The following DOT1L variants were observed in gnomAD, a reference collection of about 807,000 sequenced individuals.
DOT1L encodes histone-lysine N-methyltransferase, H3 lysine-79 specific.
A neutral mutation model predicts 153.3 loss-of-function variants in DOT1L; 33 were observed. That is an observed-to-expected ratio of 0.22 (90% confidence interval 0.16 to 0.29). The LOEUF (loss-of-function observed/expected upper bound fraction) is 0.29, where lower values mean the gene tolerates loss of function less well. Ranked by LOEUF, DOT1L falls within the 10% of genes least tolerant of loss-of-function variation. The pLI is 1.00. For synonymous variants in DOT1L, 1,135 were observed against 965.1 expected, an observed-to-expected ratio of 1.18 and a Z score of -3.26; for missense variants, 1,847 against 2,119.9, an observed-to-expected ratio of 0.87 and a Z score of 2.53.
chr19:2,202,584 G>A (rs2023336101), intron 8 of DOT1L, 116 bp from the exon 9 acceptor site: 4 of 1,005,784 alleles, frequency 4.0e-6, no homozygotes, highest in Non-Finnish European at 6.1e-6. Flanking sequence ...GGCCCTGGAG[G>A]TGGCGGGCGG....
At chr19:2,213,358 G>T in intron 16 of DOT1L, 181 bp from the exon 17 acceptor site, 1 of 580,720 alleles carries the variant, frequency 1.7e-6, no homozygotes, top group Middle Eastern at 4.7e-4. Context: ...CTGATGCAGA[G>T]CTGGTCCCCT....
chr19:2,167,469 G>A (rs979810295), intron 1 of DOT1L, among the ~76,000 whole-genome samples: 2 of 152,222 alleles, frequency 1.3e-5, no homozygotes, highest in Admixed American at 6.5e-5. Flanking sequence ...GGCGGGAGCG[G>A]GCTTTCTAGT....
At chr19:2,214,121 C>A in intron 18 of DOT1L, 135 bp downstream of exon 18, 1 of 1,379,850 alleles carries the variant, frequency 7.2e-7, no homozygotes, top group Non-Finnish European at 9.7e-7. Flanking sequence ...AATTGCGCCA[C>A]CTGTGAAAGC....
chr19:2,175,778 C>T lies in DOT1L; in HGVS notation c.82-4935C>T, dbSNP rs562019477. On this transcript the variant is annotated intron_variant, in intron 1 of 27. Coordinates refer to ENST00000398665, the MANE Select transcript of DOT1L (RefSeq NM_032482.3). ...CCAGGAAGTGGAGGTTGCAGTGAGC[C>T]GAGACTGCGCCATTGAACCTGGGAG... Among the ~76,000 whole-genome samples the T allele has an allele frequency of 8.1e-4, 123 of 152,166 alleles. 1 individual carries two copies. Among genetic ancestry groups the T allele is most frequent in the African/African-American group, 2.8e-3 (115 of 41,516 alleles).
At position 2,193,427 on chromosome 19, in the gene DOT1L, T is replaced by C. The variant is rs891945469; in HGVS notation, c.494-262T>C. Among the ~76,000 whole-genome samples, 3 of 152,286 alleles carry C rather than the reference T, an allele frequency of 2.0e-5. No individual in the cohort carries two copies. Among genetic ancestry groups the C allele is most frequent in the African/African-American group, 7.2e-5 (3 of 41,546 alleles). ...TCACATAGGGCCCTGAGACTCAAAA[T>C]GGATTCTGGTTTCGGGGGCCACCAA... On this transcript the variant is annotated intron_variant, in intron 5 of 27. Coordinates refer to ENST00000398665, the MANE Select transcript of DOT1L (RefSeq NM_032482.3). This position sits in a 1 kb window ranked among gnomAD's most constrained non-coding sequence, Gnocchi z 5.9.
chr19:2,206,594 T>G, intron 9 of DOT1L, 135 bp from the exon 10 acceptor site: 1 of 760,936 alleles, frequency 1.3e-6, no homozygotes. Flanking sequence ...TAGTGTTGCT[T>G]GTAGGCAGGT....
At position 2,229,973 on chromosome 19, in the gene DOT1L, T is replaced by C. The variant is rs924947785; in HGVS notation, c.*181T>C. The C allele has an allele frequency of 5.7e-6, 5 of 880,936 alleles. No homozygotes were observed. The highest frequency in any genetic ancestry group is 8.7e-6 in the Non-Finnish European group (5 of 575,120). 54.6% of individuals were successfully genotyped at this position (880,936 alleles called of 1,614,324 possible). On this transcript the variant is annotated 3_prime_UTR_variant, in exon 28 of 28. Coordinates refer to ENST00000398665, the MANE Select transcript of DOT1L (RefSeq NM_032482.3). ...AGGCTGGGACTGGTCCAGTTTGTACTGTCGATAGTTTTAGATAAAGTATTT... is the reference window on the plus strand; with the variant it reads ...AGGCTGGGACTGGTCCAGTTTGTACCGTCGATAGTTTTAGATAAAGTATTT...
rs370778344 is a variant in DOT1L, at chr19:2,185,903, C to T, written c.174C>T (p.Tyr58=). The part of the protein sequence containing the change: ...IPDLKLAMEN[Y]VLIDYDTKSF... ...ATCTCAAGCTCGCTATGGAGAATTA[C>T]GTTTTAATTGACTATGACACCAAAA... Residue 58 remains tyrosine (Y), a synonymous_variant, in exon 3 of 28, where the codon TAC becomes TAT. Coordinates refer to ENST00000398665, the MANE Select transcript of DOT1L (RefSeq NM_032482.3). 169 of 1,614,016 alleles carry T rather than the reference C, an allele frequency of 1.0e-4. No individual in the cohort carries two copies. The highest frequency in any genetic ancestry group is 1.4e-4 in the Non-Finnish European group (160 of 1,180,024).
At position 2,213,833 on chromosome 19, in the gene DOT1L, C is replaced by T. The variant is rs532348213; in HGVS notation, c.1660-16C>T. On this transcript the variant is annotated splice_polypyrimidine_tract_variant and intron_variant, in intron 17 of 27. Coordinates refer to ENST00000398665, the MANE Select transcript of DOT1L (RefSeq NM_032482.3). Reference sequence around the variant, plus strand: ...GAGGCCACCAGCATGACCTCTCCCCCGCCCCATGTCCCCAGCTGGGTGTGA... The same window carrying T: ...GAGGCCACCAGCATGACCTCTCCCCTGCCCCATGTCCCCAGCTGGGTGTGA... 26 of 1,612,936 alleles carry T rather than the reference C, an allele frequency of 1.6e-5. No homozygotes were observed. The highest frequency in any genetic ancestry group is 1.1e-4 in the African/African-American group (8 of 75,064).
At position 2,180,762 on chromosome 19, in the gene DOT1L, T is replaced by C. The variant is rs1254440352; in HGVS notation, c.125+6T>C. On this transcript the variant is annotated splice_donor_region_variant and intron_variant, in intron 2 of 27. Transcript: ENST00000398665. ...GAAATCATCGAGACCATCCGGTGAG[T>C]GCACGGCCTGCAGTGTGTTGTCTTC... The C allele has an allele frequency of 6.2e-7, 1 of 1,613,842 alleles. No individual in the cohort carries two copies. Among genetic ancestry groups the C allele is most frequent in the Admixed American group, 1.7e-5 (1 of 60,006 alleles).
intron 19 of DOT1L, among the ~76,000 whole-genome samples, chr19:2,214,972 T>C (rs961329797): frequency 6.6e-6 from 1 of 152,128 alleles, no homozygotes; most frequent in African/African-American, 2.4e-5. Flanking sequence ...TCCCAGCACC[T>C]TGGGAGGCTG....
intron 18 of DOT1L, 124 bp downstream of exon 18, chr19:2,214,110 G>A (rs1411220862): frequency 1.6e-5 from 22 of 1,412,484 alleles, no homozygotes; most frequent in African/African-American, 2.9e-5. Context: ...GTTCCCAGAC[G>A]AATTGCGCCA....
Position 2,222,328 on chromosome 19 carries a change from G to A in DOT1L, c.3159G>A (p.Ala1053=), listed in dbSNP as rs373960110. The change falls in exon 24 of 28, where the codon GCG becomes GCA. Residue 1053 remains alanine (A), a synonymous_variant. Coordinates refer to ENST00000398665, the MANE Select transcript of DOT1L (RefSeq NM_032482.3). This position sits in a 1 kb window ranked among gnomAD's most constrained non-coding sequence, Gnocchi z 6.5. ...RRIVFTITTG[A]GSAKQSPSSK... ...TTGTGTTCACCATCACCACTGGTGC[G>A]GGCAGTGCCAAGCAGTCGCCCTCCA... 3.0e-5 allele frequency: 49 copies of A among 1,612,784 alleles called. 2 individuals are homozygous for A. Among genetic ancestry groups the A allele is most frequent in the Admixed American group, 5.0e-5 (3 of 60,000 alleles).
chr19:2,171,025 C>T lies in DOT1L; in HGVS notation c.81+6760C>T, dbSNP rs188821934. The stretch of plus-strand genomic sequence containing the variant: ...TCACCCAGGCTGGAGTGCAGTGGCT[C>T]GATATCTGCTGACTGCATTCTCCGC... On this transcript the variant is annotated intron_variant, in intron 1 of 27. Transcript: ENST00000398665. Among the ~76,000 whole-genome samples, 56 of 152,278 alleles carry T rather than the reference C, an allele frequency of 3.7e-4. No individual in the cohort carries two copies. In the Middle Eastern group the frequency reaches 0.014, roughly 37 times the overall value.
At chr19:2,175,188 C>T (rs1017094544) in intron 1 of DOT1L, among the ~76,000 whole-genome samples, 12 of 151,958 alleles carry the variant, frequency 7.9e-5, no homozygotes, top group Non-Finnish European at 1.8e-4. Flanking sequence ...TTAGTAGAGA[C>T]AGGGTTTCAC....
intron 12 of DOT1L, 120 bp from the exon 13 acceptor site, chr19:2,210,280 C>T: frequency 1.1e-6 from 1 of 904,184 alleles, no homozygotes; most frequent in Non-Finnish European, 1.6e-6. Flanking sequence ...CCACAGAGGA[C>T]TTGCAGTGGA....
At chr19:2,224,387 AACAC>A (rs2024244413) in intron 25 of DOT1L, among the ~76,000 whole-genome samples, 1 of 151,680 alleles carries the variant, frequency 6.6e-6, no homozygotes, top group Non-Finnish European at 1.5e-5. Flanking sequence ...CCACATCCTC[AACAC>A]ACTGAATTTC....
chr19:2,226,919 CCCCTT>C lies in DOT1L; in HGVS notation c.4402_4406del (p.Phe1468AlafsTer68). 6.3e-7 allele frequency: 1 copy of C among 1,580,434 alleles called. No homozygotes were observed. The highest frequency in any genetic ancestry group is 8.5e-7 in the Non-Finnish European group (1 of 1,172,006). ...CCCAGACGCACCGGTCCTTCCTGGGCCCCTTCCCGCCGGGACCGCAGTTCGCGCTC... is the reference window on the plus strand; with the variant it reads ...CCCAGACGCACCGGTCCTTCCTGGGCCCCGCCGGGACCGCAGTTCGCGCTC... On this transcript the variant is annotated frameshift_variant, in exon 27 of 28. Coordinates refer to ENST00000398665, the MANE Select transcript of DOT1L (RefSeq NM_032482.3). LOFTEE classifies it high-confidence loss of function.
intron 22 of DOT1L, 110 bp downstream of exon 22, chr19:2,218,028 G>C: frequency 6.9e-7 from 1 of 1,446,670 alleles, no homozygotes; most frequent in Non-Finnish European, 9.2e-7. Context: ...AATGTCGAGC[G>C]TGAGGCAATG....
Sources: allele counts gnomAD v4.1 joint callset (sites outside exome capture counted in the v4.1 genomes callset), GRCh38; gene constraint gnomAD v4.1.1; non-coding constraint Gnocchi (gnomAD v3.1); transcripts MANE v1.5; gene names NCBI Gene and HGNC (gene_info 2026-07-23, HGNC 2026-07-21).